DMRTB1: variants seen among roughly 807,000 people sequenced by gnomAD.
DMRTB1 encodes the protein DMRT like family B with proline rich C-terminal 1, also known as doublesex- and mab-3-related transcription factor B1.
Under a neutral mutation model 25.2 loss-of-function variants are expected in DMRTB1, and 9 were observed. The observed-to-expected ratio is 0.36, with a 90% CI of 0.22 to 0.62. The LOEUF (loss-of-function observed/expected upper bound fraction) is 0.62, where lower values mean the gene tolerates loss of function less well. Ranked by LOEUF, DMRTB1 falls within the 20% of genes least tolerant of loss-of-function variation. The probability of loss-of-function intolerance (pLI) is 0.71; values close to 1 mark genes in which losing one functional copy is unlikely to be tolerated. For synonymous variants in DMRTB1, 269 were observed against 238.1 expected (o/e 1.13, Z -1.20); for missense variants, 551 against 499.3 (o/e 1.10, Z -0.99).
chr1:53,460,228 G>A, intron 1 of DMRTB1, 198 bp downstream of exon 1: 1 of 736,766 alleles, frequency 1.4e-6, no homozygotes, highest in South Asian at 2.1e-5. Context: ...AAACAGAAAG[G>A]AATGGGCGGT....
chr1:53,464,254 C>T (rs1266472862), intron 2 of DMRTB1, among the ~76,000 whole-genome samples: 1 of 152,174 alleles, frequency 6.6e-6, no homozygotes, highest in African/African-American at 2.4e-5. Context: ...CCCTTAACCA[C>T]AAAGCAGCTC....
At chr1:53,463,306 G>T (rs959693092) in intron 2 of DMRTB1, among the ~76,000 whole-genome samples, 4 of 152,274 alleles carry the variant, frequency 2.6e-5, no homozygotes, top group Admixed American at 2.0e-4. Flanking sequence ...CCCACCTGCT[G>T]CTGCTTGGCT....
At position 53,461,615 on chromosome 1, in the gene DMRTB1, G is replaced by A; in HGVS notation, c.720G>A (p.Val240=). ...CCCTGCAGCAGGGCTTCCGGCATGT[G>A]TCCCGCAGCCAGTACCAAGGCGGAG... ...GVPLQQGFRH[V]SRSQYQGGGL... The change falls in exon 2 of 4, where the codon GTG becomes GTA. Residue 240 remains valine (V), a synonymous_variant. Coordinates refer to ENST00000371445, the MANE Select transcript of DMRTB1 (RefSeq NM_033067.3). The A allele has an allele frequency of 6.2e-7, 1 of 1,607,070 alleles. No homozygotes were observed. Among genetic ancestry groups the A allele is most frequent in the Non-Finnish European group, 8.5e-7 (1 of 1,177,388 alleles).
intron 1 of DMRTB1, among the ~76,000 whole-genome samples, chr1:53,461,240 G>A (rs1353698160): frequency 6.6e-6 from 1 of 152,230 alleles, no homozygotes; most frequent in Non-Finnish European, 1.5e-5. Flanking sequence ...GGGCAGCGGG[G>A]AGGTCTGGAG....
At chr1:53,462,592 A>G (rs1306857448) in intron 2 of DMRTB1, among the ~76,000 whole-genome samples, 1 of 152,242 alleles carries the variant, frequency 6.6e-6, no homozygotes, top group Non-Finnish European at 1.5e-5. Flanking sequence ...CAGGGTGTCT[A>G]TTGAACCTTC....
chr1:53,461,780 G>A (rs1644024459), intron 2 of DMRTB1, 135 bp downstream of exon 2: 5 of 1,117,260 alleles, frequency 4.5e-6, no homozygotes, highest in Non-Finnish European at 4.9e-6. Context: ...TGCTGGTGGA[G>A]GACTAGGCAC....
Position 53,461,470 on chromosome 1 carries a change from T to A in DMRTB1, c.578-3T>A. The A allele has an allele frequency of 6.3e-7, 1 of 1,576,744 alleles. No homozygotes were observed. The highest frequency in any genetic ancestry group is 8.6e-7 in the Non-Finnish European group (1 of 1,160,122). On this transcript the variant is annotated splice_region_variant and splice_polypyrimidine_tract_variant and intron_variant, in intron 1 of 3. Transcript: ENST00000371445. ...CACTTCCCTCCTTGCTTGCGTTCTT[T>A]AGTGCGCCCTCTGAACATCAACCCG...
intron 1 of DMRTB1, among the ~76,000 whole-genome samples, chr1:53,461,238 G>A (rs1644020496): frequency 6.6e-6 from 1 of 152,210 alleles, no homozygotes; most frequent in Admixed American, 6.5e-5. Context: ...TGGGGCAGCG[G>A]GGAGGTCTGG....
rs1644006858 is a variant in DMRTB1, at chr1:53,459,693, T to C, written c.240T>C (p.Ala80=). Residue 80 remains alanine, a synonymous_variant, in exon 1 of 4, where the codon GCT becomes GCC. Coordinates refer to ENST00000371445, the MANE Select transcript of DMRTB1 (RefSeq NM_033067.3). ...AGGGGCCCAAGCAGGCCTCCGGGGC[T>C]GCGGCCGCCGCCCCCGCCCCCGTCC... ...CAQGPKQASG[A]AAAAPAPVPV... The C allele has an allele frequency of 6.7e-7, 1 of 1,485,922 alleles. No individual in the cohort carries two copies. The highest frequency in any genetic ancestry group is 9.0e-7 in the Non-Finnish European group (1 of 1,114,552). 92.0% of individuals were successfully genotyped at this position (1,485,922 alleles called of 1,614,324 possible).
chr1:53,463,631 T>G (rs1644034790), intron 2 of DMRTB1, among the ~76,000 whole-genome samples: 1 of 152,184 alleles, frequency 6.6e-6, no homozygotes, highest in Non-Finnish European at 1.5e-5. Context: ...CTAAGGAGAT[T>G]TTTGCAGACT....
In DMRTB1 at chr1:53,460,035, G is replaced by C; in HGVS notation, c.577+5G>C. On this transcript the variant is annotated splice_donor_5th_base_variant and intron_variant, in intron 1 of 3. Coordinates refer to ENST00000371445, the MANE Select transcript of DMRTB1 (RefSeq NM_033067.3). ...GCCCACTGTTCACCGACTTTGGTAA[G>C]TCGTGGCCTTGGTCCCGCGGTCGAC... 6.4e-7 allele frequency: 1 copy of C among 1,567,654 alleles called. No individual in the cohort carries two copies. The highest frequency in any genetic ancestry group is 1.7e-5 in the Admixed American group (1 of 57,488).
chr1:53,460,122 GAGA>G (rs1644011096), intron 1 of DMRTB1, 92 bp downstream of exon 1: 8 of 1,409,696 alleles, frequency 5.7e-6, no homozygotes, highest in African/African-American at 1.5e-5. Context: ...TCGGGGTGGA[GAGA>G]AGTTTTTCCA....
At chr1:53,466,050 T>C (rs541369288) in intron 3 of DMRTB1, among the ~76,000 whole-genome samples, 1 of 152,304 alleles carries the variant, frequency 6.6e-6, no homozygotes, top group African/African-American at 2.4e-5. Flanking sequence ...TGCTAATTCC[T>C]CCCAGCTTGT....
intron 2 of DMRTB1, 146 bp from the exon 3 acceptor site, chr1:53,464,491 C>A: frequency 7.8e-7 from 1 of 1,275,410 alleles, no homozygotes; most frequent in Non-Finnish European, 1.1e-6. Flanking sequence ...CTGAATGCCC[C>A]CTTCCAAATG....
chr1:53,467,464 A>G lies in DMRTB1; in HGVS notation c.*802A>G, dbSNP rs1167904494. On this transcript the variant is annotated 3_prime_UTR_variant, in exon 4 of 4. Coordinates refer to ENST00000371445, the MANE Select transcript of DMRTB1 (RefSeq NM_033067.3). Reference sequence around the variant, plus strand: ...GTTTCTTCTGTGAGGACAGTTGGCTATTGAAATAAAATGAGCAATGGAAAT... The same window carrying G: ...GTTTCTTCTGTGAGGACAGTTGGCTGTTGAAATAAAATGAGCAATGGAAAT... 2 of 152,264 alleles carry G rather than the reference A, an allele frequency of 1.3e-5. No individual in the cohort carries two copies. The highest frequency in any genetic ancestry group is 2.1e-4 in the South Asian group (1 of 4,836). The allele number at this position is 152,264 out of a possible 1,614,324, so 9.4% of individuals were successfully genotyped here.
chr1:53,459,971 GC>G lies in DMRTB1; in HGVS notation c.523del (p.Leu175Ter). ...GAEAAGSGYPGPLDLRRPMRT... is the reference protein window; with the variant it reads ...GAEAAGSGYPXPLDLRRPMRT... Reference sequence around the variant, plus strand: ...GAGGCCGCAGGCAGTGGCTACCCTGGCCCCCTAGACCTGCGCAGGCCGATGC... The same window carrying G: ...GAGGCCGCAGGCAGTGGCTACCCTGGCCCCTAGACCTGCGCAGGCCGATGC... On this transcript the variant is annotated frameshift_variant, in exon 1 of 4. Coordinates refer to ENST00000371445, the MANE Select transcript of DMRTB1 (RefSeq NM_033067.3). LOFTEE classifies it high-confidence loss of function. 6.3e-7 allele frequency: 1 copy of G among 1,581,752 alleles called. No individual in the cohort carries two copies. The highest frequency in any genetic ancestry group is 1.1e-5 in the South Asian group (1 of 89,124).
chr1:53,466,173 A>G (rs1644048916), intron 3 of DMRTB1, among the ~76,000 whole-genome samples: 1 of 152,148 alleles, frequency 6.6e-6, no homozygotes, highest in Admixed American at 6.5e-5. Flanking sequence ...TAGGGCTGGG[A>G]ATGATGAGAA....
Position 53,461,561 on chromosome 1 carries a change from G to A in DMRTB1, c.666G>A (p.Leu222=). 1 of 1,612,162 alleles carries A rather than the reference G, an allele frequency of 6.2e-7. No homozygotes were observed. Among genetic ancestry groups the A allele is most frequent in the East Asian group, 2.2e-5 (1 of 44,736 alleles). ...TGCACCCCTACTGCCCGTTCCCGCT[G>A]GGCTACCTGGACGCCCCTCCTGGCG... ...SSMHPYCPFP[L]GYLDAPPGVP... The change falls in exon 2 of 4, where the codon CTG becomes CTA. Residue 222 remains leucine, a synonymous_variant. Coordinates refer to ENST00000371445, the MANE Select transcript of DMRTB1 (RefSeq NM_033067.3).
Position 53,459,697 on chromosome 1 carries a change from G to A in DMRTB1, c.244G>A (p.Ala82Thr), listed in dbSNP as rs1199217962. ...QGPKQASGAA[A>T]AAPAPVPVPA... ...GCCCAAGCAGGCCTCCGGGGCTGCG[G>A]CCGCCGCCCCCGCCCCCGTCCCCGT... The change falls in exon 1 of 4, where the codon GCC becomes ACC. Residue 82 changes from alanine to threonine, a missense_variant. Coordinates refer to ENST00000371445, the MANE Select transcript of DMRTB1 (RefSeq NM_033067.3). 6 of 1,487,040 alleles carry A rather than the reference G, an allele frequency of 4.0e-6. No individual in the cohort carries two copies. Among genetic ancestry groups the A allele is most frequent in the African/African-American group, 2.9e-5 (2 of 68,478 alleles). 92.1% of individuals were successfully genotyped at this position (1,487,040 alleles called of 1,614,324 possible).
Sources: allele counts gnomAD v4.1 joint callset (sites outside exome capture counted in the v4.1 genomes callset), GRCh38; gene constraint gnomAD v4.1.1; transcripts MANE v1.5; gene names NCBI Gene and HGNC (gene_info 2026-07-23, HGNC 2026-07-21).